OR9Q1: variants seen among roughly 807,000 people sequenced by gnomAD.
OR9Q1 encodes the protein olfactory receptor 9Q1.
For missense variants in OR9Q1, 374 were observed against 378.8 expected (o/e 0.99, Z 0.11); for synonymous variants, 153 against 148.6 (o/e 1.03, Z -0.22).
chr11:58,059,458 G>T (rs1052623093), intron 2 of OR9Q1, among the ~76,000 whole-genome samples: 1 of 152,068 alleles, frequency 6.6e-6, no homozygotes, highest in African/African-American at 2.4e-5. Context: ...CACTTTGGGA[G>T]GCTGAGGCGG....
At chr11:58,048,538 G>A (rs1008255802) in intron 1 of OR9Q1, among the ~76,000 whole-genome samples, 6 of 150,848 alleles carry the variant, frequency 4.0e-5, no homozygotes, top group Non-Finnish European at 5.9e-5. Context: ...GGCACATGCT[G>A]TAGCCCCAGC....
chr11:58,153,938 C>G (rs1854379220), intron 2 of OR9Q1, among the ~76,000 whole-genome samples: 1 of 152,140 alleles, frequency 6.6e-6, no homozygotes. Context: ...AACCTATCAT[C>G]ATTTTGTGCC....
At chr11:58,083,354 T>C (rs1288041681) in intron 2 of OR9Q1, among the ~76,000 whole-genome samples, 2 of 152,060 alleles carry the variant, frequency 1.3e-5, no homozygotes, top group Admixed American at 1.3e-4. Flanking sequence ...TCCTTATAAA[T>C]TCTAAATATT....
At chr11:58,079,716 C>A (rs1030125535) in intron 2 of OR9Q1, among the ~76,000 whole-genome samples, 2 of 152,154 alleles carry the variant, frequency 1.3e-5, no homozygotes, top group African/African-American at 4.8e-5. Flanking sequence ...AACAGGAAAC[C>A]ATGAGAAAAG....
At chr11:58,148,852 G>T (rs897008734) in intron 2 of OR9Q1, among the ~76,000 whole-genome samples, 4 of 152,192 alleles carry the variant, frequency 2.6e-5, no homozygotes, top group Admixed American at 2.6e-4. Context: ...CGGCTTCCCT[G>T]TAGCGGATCT....
intron 2 of OR9Q1, among the ~76,000 whole-genome samples, chr11:58,095,674 G>C (rs1287005842): frequency 6.6e-6 from 1 of 152,112 alleles, no homozygotes; most frequent in Non-Finnish European, 1.5e-5. Context: ...ATGAGAACAG[G>C]ATGGGTGAAA....
intron 2 of OR9Q1, among the ~76,000 whole-genome samples, chr11:58,134,234 C>CT (rs1273990451): frequency 6.6e-6 from 1 of 152,178 alleles, no homozygotes; most frequent in African/African-American, 2.4e-5. Flanking sequence ...ATTTCATCTG[C>CT]TTCCATCAGT....
At chr11:58,131,905 T>C (rs1034874268) in intron 2 of OR9Q1, among the ~76,000 whole-genome samples, 2 of 152,148 alleles carry the variant, frequency 1.3e-5, no homozygotes, top group Non-Finnish European at 2.9e-5. Context: ...AAAGGCAATA[T>C]AAACTTTGAT....
At chr11:58,031,350 C>A (rs1197037377) in intron 1 of OR9Q1, 1 of 1,614,176 alleles carries the variant, frequency 6.2e-7, no homozygotes, top group African/African-American at 1.3e-5. Context: ...ATTTGTATGC[C>A]TCTCCACTAT....
intron 2 of OR9Q1, among the ~76,000 whole-genome samples, chr11:58,111,780 T>G (rs1266185752): frequency 6.6e-6 from 1 of 152,172 alleles, no homozygotes; most frequent in Non-Finnish European, 1.5e-5. Context: ...AACTTTCTAG[T>G]ATAGACATCT....
chr11:58,037,931 C>T (rs2119932743), intron 1 of OR9Q1, among the ~76,000 whole-genome samples: 1 of 144,568 alleles, frequency 6.9e-6, no homozygotes, highest in South Asian at 2.2e-4. Context: ...CGGGGTTTTA[C>T]CATGTTAGCC....
intron 1 of OR9Q1, among the ~76,000 whole-genome samples, chr11:58,052,948 A>C (rs2119970446): frequency 6.6e-6 from 1 of 151,880 alleles, no homozygotes; most frequent in East Asian, 1.9e-4. Context: ...GTCAGGAAAC[A>C]ACAGGTGCTG....
At chr11:58,068,723 G>A (rs1375269577) in intron 2 of OR9Q1, among the ~76,000 whole-genome samples, 1 of 152,134 alleles carries the variant, frequency 6.6e-6, no homozygotes, top group Non-Finnish European at 1.5e-5. Context: ...ATAATAAGAG[G>A]TGGTTATTCC....
intron 2 of OR9Q1, among the ~76,000 whole-genome samples, chr11:58,142,765 C>G (rs939884339): frequency 6.6e-6 from 1 of 152,082 alleles, no homozygotes. Context: ...GGCGAGAACC[C>G]CATCTGTATT....
At chr11:58,074,574 T>C (rs1853521458) in intron 2 of OR9Q1, among the ~76,000 whole-genome samples, 1 of 152,230 alleles carries the variant, frequency 6.6e-6, no homozygotes, top group African/African-American at 2.4e-5. Flanking sequence ...ACTCTGATGA[T>C]ATTTTCCTTT....
chr11:58,103,253 T>C (rs1389238631), intron 2 of OR9Q1, among the ~76,000 whole-genome samples: 1 of 152,112 alleles, frequency 6.6e-6, no homozygotes, highest in Non-Finnish European at 1.5e-5. Context: ...CTTATAAAAC[T>C]ATCTGATCTC....
At chr11:58,111,625 T>C (rs1435403908) in intron 2 of OR9Q1, among the ~76,000 whole-genome samples, 3 of 152,166 alleles carry the variant, frequency 2.0e-5, no homozygotes, top group African/African-American at 7.2e-5. Context: ...TATGTAGCCA[T>C]CCTACATATT....
At chr11:58,149,478 A>G (rs543339944) in intron 2 of OR9Q1, among the ~76,000 whole-genome samples, 7 of 152,300 alleles carry the variant, frequency 4.6e-5, no homozygotes, top group African/African-American at 1.7e-4. Context: ...GGTTAAAAAA[A>G]TTTACCATTT....
At chr11:58,140,578 T>C (rs917301646) in intron 2 of OR9Q1, among the ~76,000 whole-genome samples, 2 of 152,188 alleles carry the variant, frequency 1.3e-5, no homozygotes, top group Non-Finnish European at 1.5e-5. Flanking sequence ...GTCAGGTTTG[T>C]CAAAGGTCAG....
Sources: allele counts gnomAD v4.1 joint callset (sites outside exome capture counted in the v4.1 genomes callset), GRCh38; gene constraint gnomAD v4.1.1; transcripts MANE v1.5; gene names NCBI Gene and HGNC (gene_info 2026-07-23, HGNC 2026-07-21).